Variants in HS2ST1 observed in about 807,000 individuals in gnomAD.
The protein encoded by HS2ST1 is 2-O-sulfotransferase.
Under a neutral mutation model 42.9 loss-of-function variants are expected in HS2ST1, and 18 were observed. That is an observed-to-expected ratio of 0.42 (90% CI 0.29 to 0.62). The LOEUF is 0.62. HS2ST1 is among the 20% of genes least tolerant of loss of function. HS2ST1 has a pLI of 0.21. For missense variants in HS2ST1, 334 were observed against 433.8 expected, an observed-to-expected ratio of 0.77 and a Z score of 2.04; for synonymous variants, 146 against 152.9, an observed-to-expected ratio of 0.95 and a Z score of 0.33.
At chr1:86,958,219 A>G (rs1403172324) in intron 1 of HS2ST1, among the ~76,000 whole-genome samples, 1 of 152,240 alleles carries the variant, frequency 6.6e-6, no homozygotes, top group African/African-American at 2.4e-5. Flanking sequence ...TTAACTACTG[A>G]TAGCCTACTG....
intron 5 of HS2ST1, among the ~76,000 whole-genome samples, chr1:87,101,228 C>T (rs574747049): frequency 8.3e-5 from 11 of 132,898 alleles, no homozygotes; most frequent in African/African-American, 1.7e-4. Flanking sequence ...TGCAGTGGCA[C>T]GATCTCGGTT....
intron 6 of HS2ST1, 40 bp from the exon 7 acceptor site, chr1:87,104,430 G>T (rs1225795544): frequency 2.3e-6 from 3 of 1,319,602 alleles, no homozygotes; most frequent in East Asian, 2.3e-5. Context: ...TGTTCTCCAA[G>T]AATTATTTAC....
At chr1:87,069,445 A>G (rs1019757155) in intron 1 of HS2ST1, among the ~76,000 whole-genome samples, 1 of 152,248 alleles carries the variant, frequency 6.6e-6, no homozygotes, top group African/African-American at 2.4e-5. Context: ...AAAAAGAATT[A>G]TAACTATCTA....
intron 1 of HS2ST1, among the ~76,000 whole-genome samples, chr1:86,961,210 T>G (rs905546033): frequency 1.3e-5 from 2 of 151,628 alleles, no homozygotes; most frequent in African/African-American, 4.9e-5. Context: ...TACCCCAGCC[T>G]GGGTGAACAG....
chr1:87,038,537 T>C (rs1650439623), intron 1 of HS2ST1, among the ~76,000 whole-genome samples: 2 of 152,282 alleles, frequency 1.3e-5, no homozygotes, highest in South Asian at 4.1e-4. Flanking sequence ...ACAGAAGTTA[T>C]TCTGGAAAGT....
intron 1 of HS2ST1, among the ~76,000 whole-genome samples, chr1:87,013,359 G>T (rs891704175): frequency 1.3e-5 from 2 of 152,230 alleles, no homozygotes; most frequent in African/African-American, 2.4e-5. Flanking sequence ...AGCCACCAAG[G>T]CTTGGTGCTT....
chr1:86,946,082 G>A (rs909296503), intron 1 of HS2ST1, among the ~76,000 whole-genome samples: 1 of 152,152 alleles, frequency 6.6e-6, no homozygotes, highest in Non-Finnish European at 1.5e-5. Flanking sequence ...TAATATGGTT[G>A]CCTATTTTGG....
At chr1:86,923,522 G>A (rs1019863354) in intron 1 of HS2ST1, among the ~76,000 whole-genome samples, 2 of 151,190 alleles carry the variant, frequency 1.3e-5, no homozygotes, top group Middle Eastern at 3.2e-3. Flanking sequence ...TCAGCCTCCC[G>A]AGTAGCTGGG....
chr1:87,032,771 T>C (rs1451652474), intron 1 of HS2ST1, among the ~76,000 whole-genome samples: 1 of 152,152 alleles, frequency 6.6e-6, no homozygotes, highest in Non-Finnish European at 1.5e-5. Context: ...GTAAGCCTAA[T>C]AACAGATATT....
intron 1 of HS2ST1, among the ~76,000 whole-genome samples, chr1:86,968,166 C>G (rs1017272405): frequency 2.0e-5 from 3 of 152,086 alleles, no homozygotes; most frequent in African/African-American, 7.2e-5. Context: ...CTTTGAGTTC[C>G]TTGGAGATTG....
At chr1:86,986,733 A>G (rs550776983) in intron 1 of HS2ST1, among the ~76,000 whole-genome samples, 2 of 152,282 alleles carry the variant, frequency 1.3e-5, no homozygotes, top group South Asian at 2.1e-4. Context: ...AAAGCTGGTT[A>G]AGGCAAGAAA....
chr1:86,963,466 C>A (rs958016633), intron 1 of HS2ST1, among the ~76,000 whole-genome samples: 2 of 152,098 alleles, frequency 1.3e-5, no homozygotes, highest in African/African-American at 4.8e-5. Context: ...CAGAGAGCAC[C>A]GGGTTGTGGG....
At chr1:86,977,831 A>T (rs761564093) in intron 1 of HS2ST1, among the ~76,000 whole-genome samples, 1 of 152,248 alleles carries the variant, frequency 6.6e-6, no homozygotes, top group East Asian at 1.9e-4. Flanking sequence ...ATATAAAGAT[A>T]CGGAGAACAT....
intron 1 of HS2ST1, among the ~76,000 whole-genome samples, chr1:87,023,773 T>G (rs1650011938): frequency 6.6e-6 from 1 of 152,130 alleles, no homozygotes; most frequent in Non-Finnish European, 1.5e-5. Context: ...AATGTAAAAT[T>G]GAGGATTATT....
chr1:87,096,843 C>T (rs1235846308), intron 4 of HS2ST1, among the ~76,000 whole-genome samples: 1 of 152,180 alleles, frequency 6.6e-6, no homozygotes, highest in African/African-American at 2.4e-5. Flanking sequence ...TCACCAAATA[C>T]TCAAATTCAA....
chr1:86,996,069 T>C (rs1005304667), intron 1 of HS2ST1, among the ~76,000 whole-genome samples: 8 of 152,130 alleles, frequency 5.3e-5, no homozygotes, highest in Admixed American at 3.3e-4. Flanking sequence ...AATGATAGCC[T>C]GTAACTAGGT....
At chr1:87,102,429 G>T (rs1652235683) in intron 5 of HS2ST1, among the ~76,000 whole-genome samples, 2 of 152,098 alleles carry the variant, frequency 1.3e-5, no homozygotes, top group African/African-American at 4.8e-5. Context: ...CAAGGGGATG[G>T]TGCTAAACCA....
At chr1:86,945,595 A>G (rs1038710739) in intron 1 of HS2ST1, among the ~76,000 whole-genome samples, 2 of 152,094 alleles carry the variant, frequency 1.3e-5, no homozygotes, top group African/African-American at 4.8e-5. Flanking sequence ...TGATCTCTAG[A>G]TTCTATTCAA....
At chr1:86,977,835 A>C (rs2102216905) in intron 1 of HS2ST1, among the ~76,000 whole-genome samples, 1 of 152,332 alleles carries the variant, frequency 6.6e-6, no homozygotes, top group Non-Finnish European at 1.5e-5. Flanking sequence ...AAAGATACGG[A>C]GAACATGAGA....
Sources: allele counts gnomAD v4.1 joint callset (sites outside exome capture counted in the v4.1 genomes callset), GRCh38; gene constraint gnomAD v4.1.1; transcripts MANE v1.5; gene names NCBI Gene and HGNC (gene_info 2026-07-23, HGNC 2026-07-21).